The following NRXN3 variants were observed in gnomAD, a reference collection of about 807,000 sequenced individuals.
The protein encoded by NRXN3 is neurexin 3, also known as neurexin III.
Under a neutral mutation model 137.6 loss-of-function variants are expected in NRXN3, and 32 were observed. That is an observed-to-expected ratio of 0.23 (90% confidence interval 0.18 to 0.31). The LOEUF is 0.31. Ranked by LOEUF, NRXN3 falls within the 10% of genes least tolerant of loss-of-function variation. The probability of loss-of-function intolerance (pLI) is 1.00; values close to 1 mark genes in which losing one functional copy is unlikely to be tolerated. For synonymous variants in NRXN3, 798 were observed against 784.5 expected (o/e 1.02, Z -0.29); for missense variants, 1,574 against 2,062.5 (o/e 0.76, Z 4.59).
chr14:78,472,722 A>G (rs193089604), intron 4 of NRXN3, among the ~76,000 whole-genome samples: 6 of 152,216 alleles, frequency 3.9e-5, no homozygotes, highest in Admixed American at 2.6e-4. Flanking sequence ...ACTGTCCTCT[A>G]AAAGAAGCGT....
intron 16 of NRXN3, among the ~76,000 whole-genome samples, chr14:79,560,503 G>GTTTTT (rs1567504638): frequency 2.8e-4 from 11 of 39,560 alleles, no homozygotes; most frequent in Non-Finnish European, 5.0e-4. Context: ...AAGATTGTAA[G>GTTTTT]CTTTTTTTTT....
chr14:78,838,133 T>C lies in NRXN3; in HGVS notation c.2275+27789T>C, dbSNP rs554115795. ...CTTTAACTCTACTATCTGTGGAATA[T>C]ACTGAACTTTTTACAACCAAGTCTT... On this transcript the variant is annotated intron_variant, in intron 10 of 20. Transcript: ENST00000335750. 2.6e-5 allele frequency among the ~76,000 whole-genome samples: 4 copies of C among 152,304 alleles called. No individual in the cohort carries two copies. In the East Asian group the frequency reaches 5.8e-4, roughly 22 times the overall value.
At chr14:78,654,213 G>T (rs1026612783) in intron 6 of NRXN3, among the ~76,000 whole-genome samples, 1 of 152,154 alleles carries the variant, frequency 6.6e-6, no homozygotes, top group South Asian at 2.1e-4. Context: ...AACAGCAAAG[G>T]CTATGTTAGG....
chr14:79,749,571 T>G (rs1036099724), intron 19 of NRXN3, among the ~76,000 whole-genome samples: 10 of 151,926 alleles, frequency 6.6e-5, no homozygotes, highest in Non-Finnish European at 1.2e-4. Flanking sequence ...AGTGCCTGGT[T>G]TTTTAACATG....
chr14:79,857,806 C>G (rs2099405961), intron 20 of NRXN3, among the ~76,000 whole-genome samples: 2 of 152,096 alleles, frequency 1.3e-5, no homozygotes, highest in South Asian at 4.1e-4. Context: ...GCAATCTTCC[C>G]ACTTCTTGAG....
intron 4 of NRXN3, among the ~76,000 whole-genome samples, chr14:78,547,081 T>C (rs2096642792): frequency 6.6e-6 from 1 of 152,236 alleles, no homozygotes; most frequent in Non-Finnish European, 1.5e-5. Flanking sequence ...CCAGAGTTTA[T>C]TTCTCGATTG....
chr14:78,704,782 C>T (rs1282983420), intron 6 of NRXN3, among the ~76,000 whole-genome samples: 1 of 152,112 alleles, frequency 6.6e-6, no homozygotes, highest in Non-Finnish European at 1.5e-5. Flanking sequence ...GCTAATGCTA[C>T]CTATTTCATT....
At chr14:79,221,994 A>G (rs969935723) in intron 15 of NRXN3, among the ~76,000 whole-genome samples, 1 of 151,784 alleles carries the variant, frequency 6.6e-6, no homozygotes, top group African/African-American at 2.4e-5. Flanking sequence ...TCCCAACACC[A>G]TTTGTTAAAT....
chr14:79,173,809 T>A (rs1315142592), intron 15 of NRXN3, among the ~76,000 whole-genome samples: 1 of 152,132 alleles, frequency 6.6e-6, no homozygotes, highest in Non-Finnish European at 1.5e-5. Context: ...CCTGACTATA[T>A]AGGCTTTCAT....
In NRXN3 at chr14:78,697,122, A is replaced by G. The variant is rs187992973; in HGVS notation, c.1222-12095A>G. The stretch of plus-strand genomic sequence containing the variant: ...AAAATTATTTATCACACCTAGTTTT[A>G]TTTAATCTCAGAATACAAAATCCCA... On this transcript the variant is annotated intron_variant, in intron 6 of 20. Transcript: ENST00000335750. 8.5e-5 allele frequency among the ~76,000 whole-genome samples: 13 copies of G among 152,172 alleles called. No homozygotes were observed. In the East Asian group the frequency reaches 2.5e-3, roughly 29 times the overall value.
At chr14:79,509,664 T>G (rs1281099552) in intron 16 of NRXN3, among the ~76,000 whole-genome samples, 1 of 151,864 alleles carries the variant, frequency 6.6e-6, no homozygotes, top group Non-Finnish European at 1.5e-5. Flanking sequence ...ATATGTGAAG[T>G]GATAGATGTA....
intron 2 of NRXN3, among the ~76,000 whole-genome samples, chr14:78,272,978 A>G (rs940104974): frequency 1.4e-4 from 22 of 152,148 alleles, no homozygotes; most frequent in African/African-American, 5.1e-4. Flanking sequence ...AAAAATCAAT[A>G]TACACATATG....
At chr14:79,784,610 G>A (rs138992692) in intron 19 of NRXN3, among the ~76,000 whole-genome samples, 3,573 of 97,166 alleles carry the variant, frequency 0.037, 144 homozygotes, top group African/African-American at 0.13. Flanking sequence ...TTTTTGTTGT[G>A]TTGCTTTTTT....
chr14:78,503,458 G>A (rs371982335), intron 4 of NRXN3, among the ~76,000 whole-genome samples: 1 of 152,124 alleles, frequency 6.6e-6, no homozygotes, highest in Non-Finnish European at 1.5e-5. Flanking sequence ...CTTCAGAGAG[G>A]TCTGGTAGGA....
chr14:78,217,680 G>A (rs1289665706), intron 1 of NRXN3, among the ~76,000 whole-genome samples: 1 of 152,078 alleles, frequency 6.6e-6, no homozygotes, highest in African/African-American at 2.4e-5. Context: ...TTTTTAGTTT[G>A]AGATGGAGCC....
At chr14:79,546,070 G>A (rs557190388) in intron 16 of NRXN3, among the ~76,000 whole-genome samples, 49 of 152,216 alleles carry the variant, frequency 3.2e-4, no homozygotes, top group Non-Finnish European at 6.0e-4. Context: ...TTCACGTAAG[G>A]TGTGACTTGC....
At chr14:79,792,237 T>C (rs371619600) in intron 19 of NRXN3, among the ~76,000 whole-genome samples, 12 of 152,312 alleles carry the variant, frequency 7.9e-5, no homozygotes, top group African/African-American at 2.6e-4. Flanking sequence ...AAATCTATGC[T>C]GCTGTAAAAA....
At chr14:79,200,281 G>A (rs1196894820) in intron 15 of NRXN3, among the ~76,000 whole-genome samples, 1 of 152,200 alleles carries the variant, frequency 6.6e-6, no homozygotes, top group East Asian at 1.9e-4. Flanking sequence ...TTAGCCTCCT[G>A]AAGAGGATGG....
intron 4 of NRXN3, among the ~76,000 whole-genome samples, chr14:78,585,141 G>GGC (rs896999412): frequency 2.7e-5 from 3 of 109,910 alleles, no homozygotes; most frequent in African/African-American, 1.2e-4. Flanking sequence ...GGGAGATAAG[G>GGC]GGGGGGGGTG....
Sources: gnomAD v4.1 joint callset for allele counts (sites outside exome capture counted in the v4.1 genomes callset) on GRCh38, gnomAD v4.1.1 for gene constraint, MANE v1.5 for transcripts, NCBI Gene and HGNC (gene_info 2026-07-23, HGNC 2026-07-21) for gene names.